Variants in DDAH1 observed in about 807,000 individuals in gnomAD.
DDAH1 encodes the protein N(G),N(G)-dimethylarginine dimethylaminohydrolase 1.
A neutral mutation model predicts 28.8 loss-of-function variants in DDAH1; 19 were observed. That is an observed-to-expected ratio of 0.66 (90% confidence interval 0.46 to 0.97). The LOEUF (loss-of-function observed/expected upper bound fraction) is 0.97. DDAH1 is among the 50% of genes least tolerant of loss of function. The probability of loss-of-function intolerance (pLI) is 0.00; values close to 1 mark genes in which losing one functional copy is unlikely to be tolerated. For missense variants in DDAH1, 326 were observed against 375.9 expected, an observed-to-expected ratio of 0.87 and a Z score of 1.10; for synonymous variants, 153 against 154.4, an observed-to-expected ratio of 0.99 and a Z score of 0.07.
chr1:85,421,222 G>A (rs1467601599), intron 1 of DDAH1, among the ~76,000 whole-genome samples: 1 of 152,190 alleles, frequency 6.6e-6, no homozygotes, highest in Non-Finnish European at 1.5e-5. Context: ...AGACTTGAAT[G>A]GGGACACAGA....
intron 1 of DDAH1, chr1:85,496,346 C>CATCACAGAAATATA: frequency 3.4e-6 from 1 of 290,354 alleles, no homozygotes; most frequent in Non-Finnish European, 5.1e-6. Flanking sequence ...TAATATATTT[C>CATCACAGAAATATA]TGTGATGAAA....
At chr1:85,546,968 A>G (rs974403207) in intron 1 of DDAH1, among the ~76,000 whole-genome samples, 2 of 152,156 alleles carry the variant, frequency 1.3e-5, no homozygotes, top group Non-Finnish European at 2.9e-5. Context: ...AGGGAGCTGC[A>G]CTATAAATTA....
intron 1 of DDAH1, among the ~76,000 whole-genome samples, chr1:85,450,364 T>C (rs1654616831): frequency 6.6e-6 from 1 of 152,112 alleles, no homozygotes; most frequent in African/African-American, 2.4e-5. Flanking sequence ...ACCTTGCTAA[T>C]AAGTGGTAGG....
At chr1:85,490,770 A>C (rs2100727803) in intron 2 of DDAH1, among the ~76,000 whole-genome samples, 1 of 152,318 alleles carries the variant, frequency 6.6e-6, no homozygotes, top group East Asian at 1.9e-4. Context: ...ATGCATATTA[A>C]GAAATAAATT....
Position 85,353,701 on chromosome 1 carries a change from A to G in DDAH1, c.404-2122T>C, listed in dbSNP as rs138141119. ...TCTTTCAAGATAAAAATAGGTTTAT[A>G]AATTAATTTATTTATAACTTTTAAG... On this transcript the variant is annotated intron_variant, in intron 2 of 5. Coordinates refer to ENST00000284031, the MANE Select transcript of DDAH1 (RefSeq NM_012137.4). 3.6e-3 allele frequency among the ~76,000 whole-genome samples: 542 copies of G among 152,270 alleles called. 2 individuals are homozygous for G. The highest frequency in any genetic ancestry group is 0.012 in the African/African-American group (519 of 41,586).
intron 1 of DDAH1, among the ~76,000 whole-genome samples, chr1:85,463,256 TG>T: frequency 6.6e-6 from 1 of 152,200 alleles, no homozygotes; most frequent in Admixed American, 6.5e-5. Context: ...GGCCAAAGCT[TG>T]GAAGCTTTTA....
chr1:85,482,990 C>T (rs1466265523), intron 2 of DDAH1, among the ~76,000 whole-genome samples: 6 of 152,030 alleles, frequency 3.9e-5, no homozygotes, highest in South Asian at 4.1e-4. Context: ...TTTGGGAGGC[C>T]GAGGTGGGCA....
chr1:85,546,546 A>G (rs1658633884), intron 1 of DDAH1, among the ~76,000 whole-genome samples: 1 of 152,184 alleles, frequency 6.6e-6, no homozygotes, highest in Non-Finnish European at 1.5e-5. Context: ...TCATGCAAGA[A>G]CAGAAGGCAA....
At chr1:85,450,325 C>T (rs907998941) in intron 1 of DDAH1, among the ~76,000 whole-genome samples, 1 of 152,108 alleles carries the variant, frequency 6.6e-6, no homozygotes, top group Non-Finnish European at 1.5e-5. Context: ...GGTGACAAAC[C>T]TGTATCAAAA....
intron 1 of DDAH1, among the ~76,000 whole-genome samples, chr1:85,506,231 C>T (rs1476309674): frequency 1.3e-5 from 2 of 152,132 alleles, no homozygotes; most frequent in Non-Finnish European, 1.5e-5. Flanking sequence ...CACCAGATTT[C>T]ACCAGGAAAA....
At chr1:85,453,080 G>A (rs79467404) in intron 1 of DDAH1, among the ~76,000 whole-genome samples, 5,359 of 152,216 alleles carry the variant, frequency 0.035, 322 homozygotes, top group African/African-American at 0.12. Context: ...CAGGGCAGGC[G>A]AGTGTTTCAG....
chr1:85,541,919 A>C (rs953479284), intron 1 of DDAH1, among the ~76,000 whole-genome samples: 2 of 152,214 alleles, frequency 1.3e-5, no homozygotes, highest in African/African-American at 4.8e-5. Flanking sequence ...TGGACTTCCC[A>C]GCTTTCAGGA....
At chr1:85,371,991 T>TGG (rs58223471) in intron 1 of DDAH1, among the ~76,000 whole-genome samples, 3 of 151,974 alleles carry the variant, frequency 2.0e-5, no homozygotes, top group African/African-American at 7.3e-5. Flanking sequence ...GGATGATTTC[T>TGG]GGGGGGGAAT....
chr1:85,449,276 T>C (rs1654564079), intron 1 of DDAH1, among the ~76,000 whole-genome samples: 3 of 152,242 alleles, frequency 2.0e-5, no homozygotes, highest in Non-Finnish European at 1.5e-5. Context: ...TGGCAGAACA[T>C]GGCACCAAGA....
At chr1:85,327,111 G>C in intron 4 of DDAH1, among the ~76,000 whole-genome samples, 1 of 152,124 alleles carries the variant, frequency 6.6e-6, no homozygotes, top group East Asian at 1.9e-4. Context: ...GTGTGCAAGG[G>C]AACAAATGAA....
intron 2 of DDAH1, among the ~76,000 whole-genome samples, chr1:85,486,219 A>G (rs1266564800): frequency 2.0e-5 from 3 of 152,226 alleles, no homozygotes; most frequent in Admixed American, 6.5e-5. Context: ...ATGAAAATCC[A>G]CTGGATTGCA....
intron 1 of DDAH1, among the ~76,000 whole-genome samples, chr1:85,541,291 C>T (rs755630570): frequency 6.6e-6 from 1 of 152,130 alleles, no homozygotes; most frequent in Non-Finnish European, 1.5e-5. Context: ...GCTAAGCACA[C>T]CTTGCTTTAA....
intron 1 of DDAH1, among the ~76,000 whole-genome samples, chr1:85,369,207 T>G (rs1650245614): frequency 6.6e-6 from 1 of 150,840 alleles, no homozygotes; most frequent in Non-Finnish European, 1.5e-5. Flanking sequence ...ACTACAGGTG[T>G]GTGCCCAATG....
intron 1 of DDAH1, among the ~76,000 whole-genome samples, chr1:85,509,688 A>G (rs575650792): frequency 2.0e-5 from 3 of 152,358 alleles, no homozygotes; most frequent in South Asian, 4.1e-4. Context: ...ACTTTGTGAC[A>G]TATGCACAAC....
Sources: gnomAD v4.1 joint callset for allele counts (sites outside exome capture counted in the v4.1 genomes callset) on GRCh38, gnomAD v4.1.1 for gene constraint, MANE v1.5 for transcripts, NCBI Gene and HGNC (gene_info 2026-07-23, HGNC 2026-07-21) for gene names.